The following BCAT1 variants were observed in gnomAD, a reference collection of about 807,000 sequenced individuals.
BCAT1 encodes the protein branched chain amino acid transaminase 1, also known as branched-chain-amino-acid aminotransferase, cytosolic.
In BCAT1, 48 loss-of-function variants were observed where a neutral mutation model predicts 52.4. The observed-to-expected ratio is 0.92, with a 90% CI of 0.73 to 1.16. BCAT1 has a LOEUF of 1.16. Among genes scored for constraint, BCAT1 ranks in the 50% most tolerant of loss-of-function variants. The pLI, the probability that BCAT1 is intolerant of heterozygous loss-of-function variation, is 0.00. For missense variants in BCAT1, 451 were observed against 457.1 expected (o/e 0.99, Z 0.12); for synonymous variants, 167 against 161.3 (o/e 1.04, Z -0.27).
At chr12:24,830,007 G>C in intron 9 of BCAT1, 110 bp from the exon 10 acceptor site, 2 of 707,658 alleles carry the variant, frequency 2.8e-6, no homozygotes, top group Non-Finnish European at 4.5e-6. Context: ...CTGAAGTTAA[G>C]GAATAGCACT....
intron 1 of BCAT1, among the ~76,000 whole-genome samples, chr12:24,928,699 A>G (rs1943632121): frequency 7.3e-6 from 1 of 137,222 alleles, no homozygotes; most frequent in South Asian, 2.3e-4. Context: ...CTTCAGTGTG[A>G]AATGTTTGTT....
At chr12:24,922,554 T>C (rs1208301470) in intron 1 of BCAT1, among the ~76,000 whole-genome samples, 1 of 152,168 alleles carries the variant, frequency 6.6e-6, no homozygotes, top group Non-Finnish European at 1.5e-5. Context: ...CAGGACTCAA[T>C]ACTTTCGACT....
chr12:24,865,174 T>C (rs1941969966), intron 5 of BCAT1, among the ~76,000 whole-genome samples: 1 of 152,208 alleles, frequency 6.6e-6, no homozygotes, highest in South Asian at 2.1e-4. Flanking sequence ...ATCCCTTAAA[T>C]TCCAAACTCT....
rs1939897538 is a variant in BCAT1 at position 24,816,958 on chromosome 12, A to G, written c.*1050T>C. 1 of 185,954 alleles carries G rather than the reference A, an allele frequency of 5.4e-6. No individual in the cohort carries two copies. Among genetic ancestry groups the G allele is most frequent in the Admixed American group, 6.2e-5 (1 of 16,236 alleles). 11.5% of individuals were successfully genotyped at this position (185,954 alleles called of 1,614,324 possible). On this transcript the variant is annotated 3_prime_UTR_variant, in exon 11 of 11. Coordinates refer to ENST00000261192, the MANE Select transcript of BCAT1 (RefSeq NM_005504.7). ...CGAGTGATGGGAAGTAGCCATAAAT[A>G]CAGATGAAGCTCCTCAATGGCCCAC...
intron 6 of BCAT1, among the ~76,000 whole-genome samples, chr12:24,848,619 CTATATATGGTA>C (rs1008392894): frequency 6.6e-6 from 1 of 152,152 alleles, no homozygotes; most frequent in Non-Finnish European, 1.5e-5. Context: ...TATTTACTCT[CTATATATGGTA>C]TATATATGGT....
At chr12:24,901,172 G>C (rs762676516) in intron 2 of BCAT1, among the ~76,000 whole-genome samples, 1 of 152,160 alleles carries the variant, frequency 6.6e-6, no homozygotes, top group Non-Finnish European at 1.5e-5. Flanking sequence ...CAGGATGTGA[G>C]ATCATTAGGA....
intron 5 of BCAT1, among the ~76,000 whole-genome samples, chr12:24,854,514 G>A (rs114301260): frequency 8.5e-5 from 13 of 152,152 alleles, no homozygotes; most frequent in African/African-American, 3.1e-4. Context: ...GGTGCTTCAA[G>A]GGAGAGCTCA....
At chr12:24,844,301 C>A (rs1941265864) in intron 6 of BCAT1, among the ~76,000 whole-genome samples, 1 of 152,104 alleles carries the variant, frequency 6.6e-6, no homozygotes, top group Non-Finnish European at 1.5e-5. Context: ...AGTGGTGGCC[C>A]ATGCCTGTAA....
chr12:24,870,307 C>T (rs995243826), intron 5 of BCAT1, among the ~76,000 whole-genome samples: 1 of 151,960 alleles, frequency 6.6e-6, no homozygotes, highest in African/African-American at 2.4e-5. Context: ...TTATAAAATA[C>T]ATAATACAAT....
At chr12:24,941,186 T>G (rs1336803542) in intron 1 of BCAT1, among the ~76,000 whole-genome samples, 1 of 152,242 alleles carries the variant, frequency 6.6e-6, no homozygotes, top group African/African-American at 2.4e-5. Flanking sequence ...TATATTCCTA[T>G]GTAGCATCTT....
intron 1 of BCAT1, among the ~76,000 whole-genome samples, chr12:24,928,532 C>T (rs1456418322): frequency 6.8e-6 from 1 of 147,216 alleles, no homozygotes; most frequent in Non-Finnish European, 1.5e-5. Flanking sequence ...CCCAGCTAGT[C>T]GGGAGACTGA....
intron 10 of BCAT1, among the ~76,000 whole-genome samples, chr12:24,824,514 C>G (rs10743522): frequency 0.85 from 129,479 of 152,084 alleles, 55,183 homozygotes; most frequent in Admixed American, 0.88. Context: ...TGCCTAGGCT[C>G]GTCTTGAAGT....
At chr12:24,834,520 T>C in intron 8 of BCAT1, 1 of 975,344 alleles carries the variant, frequency 1.0e-6, no homozygotes, top group Admixed American at 6.1e-5. Context: ...GCAATAAAAA[T>C]AGAGAGGTTT....
At chr12:24,865,425 A>G (rs1344940781) in intron 5 of BCAT1, among the ~76,000 whole-genome samples, 2 of 152,216 alleles carry the variant, frequency 1.3e-5, no homozygotes, top group African/African-American at 4.8e-5. Flanking sequence ...CCTTGAATGT[A>G]TGTCTTCACA....
chr12:24,912,993 C>G (rs974258428), intron 1 of BCAT1, among the ~76,000 whole-genome samples: 2 of 152,114 alleles, frequency 1.3e-5, no homozygotes, highest in East Asian at 3.9e-4. Context: ...GGAAACTGTC[C>G]ATTTTTATGG....
At chr12:24,887,951 AG>A (rs1324533765) in intron 3 of BCAT1, among the ~76,000 whole-genome samples, 1 of 152,240 alleles carries the variant, frequency 6.6e-6, no homozygotes, top group Non-Finnish European at 1.5e-5. Flanking sequence ...TAGACTCAAT[AG>A]GTCCGATGAG....
At chr12:24,905,518 A>G (rs1006283056) in intron 1 of BCAT1, among the ~76,000 whole-genome samples, 1 of 152,242 alleles carries the variant, frequency 6.6e-6, no homozygotes, top group African/African-American at 2.4e-5. Flanking sequence ...GTAAGACCCA[A>G]TGAAAGGGCC....
intron 6 of BCAT1, among the ~76,000 whole-genome samples, chr12:24,843,555 A>T (rs1941240853): frequency 6.6e-6 from 1 of 152,180 alleles, no homozygotes; most frequent in South Asian, 2.1e-4. Flanking sequence ...GTGAGCCAAG[A>T]TAGCACCACT....
chr12:24,883,159 G>T (rs559980268), intron 3 of BCAT1, among the ~76,000 whole-genome samples: 1 of 152,214 alleles, frequency 6.6e-6, no homozygotes, highest in East Asian at 1.9e-4. Flanking sequence ...GGTAGCATGT[G>T]CCTGTAGTCC....
Sources: allele counts gnomAD v4.1 joint callset (sites outside exome capture counted in the v4.1 genomes callset), GRCh38; gene constraint gnomAD v4.1.1; transcripts MANE v1.5; gene names NCBI Gene and HGNC (gene_info 2026-07-23, HGNC 2026-07-21).